Variants in ERC2 observed in about 807,000 individuals in gnomAD.
ERC2 encodes ERC protein 2.
ERC2 carries 42 observed loss-of-function variants against 114.8 expected under a neutral mutation model. The observed-to-expected ratio is 0.37, with a 90% CI of 0.29 to 0.47. The LOEUF (loss-of-function observed/expected upper bound fraction) is 0.47. Among genes scored for constraint, ERC2 ranks in the 20% least tolerant of loss-of-function variants. The probability of loss-of-function intolerance (pLI) is 0.99; values close to 1 mark genes in which losing one functional copy is unlikely to be tolerated. For missense variants in ERC2, 939 were observed against 1,150.7 expected (o/e 0.82, Z 2.66); for synonymous variants, 454 against 425.5 (o/e 1.07, Z -0.82).
chr3:55,754,094 ATTAC>A (rs2066895843), intron 14 of ERC2, among the ~76,000 whole-genome samples: 1 of 152,218 alleles, frequency 6.6e-6, no homozygotes, highest in Non-Finnish European at 1.5e-5. Flanking sequence ...ATTTTTTACC[ATTAC>A]TATGAGTGTG....
intron 7 of ERC2, among the ~76,000 whole-genome samples, chr3:56,065,600 T>C (rs904520442): frequency 6.6e-6 from 1 of 152,114 alleles, no homozygotes; most frequent in Non-Finnish European, 1.5e-5. Context: ...TAGGTTAATG[T>C]GTGCCACGGT....
At chr3:56,270,938 C>T (rs192654819) in intron 3 of ERC2, among the ~76,000 whole-genome samples, 6 of 152,208 alleles carry the variant, frequency 3.9e-5, no homozygotes, top group Non-Finnish European at 8.8e-5. Flanking sequence ...GCCGAGATTT[C>T]GCCACTGCAC....
chr3:56,363,468 G>T (rs2059034092), intron 2 of ERC2, among the ~76,000 whole-genome samples: 1 of 152,158 alleles, frequency 6.6e-6, no homozygotes, highest in Non-Finnish European at 1.5e-5. Flanking sequence ...TACAAACAAG[G>T]TGTACATGAC....
intron 13 of ERC2, among the ~76,000 whole-genome samples, chr3:55,905,694 C>T (rs977959986): frequency 6.6e-6 from 1 of 152,178 alleles, no homozygotes; most frequent in Non-Finnish European, 1.5e-5. Flanking sequence ...CTGCAGCTGA[C>T]AAGGGCCCTG....
At chr3:55,824,279 T>C (rs1251456341) in intron 14 of ERC2, among the ~76,000 whole-genome samples, 1 of 152,192 alleles carries the variant, frequency 6.6e-6, no homozygotes, top group African/African-American at 2.4e-5. Context: ...TCTCCATTTC[T>C]ACCATCTGGA....
intron 3 of ERC2, among the ~76,000 whole-genome samples, chr3:56,275,078 T>TTTAA (rs2053906914): frequency 6.6e-6 from 1 of 152,108 alleles, no homozygotes; most frequent in South Asian, 2.1e-4. Context: ...ATGAGACCAG[T>TTTAA]AAGAGTTCAC....
In ERC2 at chr3:56,456,010, A is replaced by G. The variant is rs1035158195; in HGVS notation, c.-141+12238T>C. 2.0e-5 allele frequency among the ~76,000 whole-genome samples: 3 copies of G among 152,192 alleles called. No homozygotes were observed. In the East Asian group the frequency reaches 5.8e-4, roughly 29 times the overall value. ...CCACCACTCCCTCCTGACCTAGGGA[A>G]TTAGAGGGCTGTGGGGTCAATTGTA... On this transcript the variant is annotated intron_variant, in intron 1 of 17. Coordinates refer to ENST00000288221, the MANE Select transcript of ERC2 (RefSeq NM_015576.3).
intron 2 of ERC2, among the ~76,000 whole-genome samples, chr3:56,325,318 C>A (rs1432549732): frequency 1.3e-5 from 2 of 151,928 alleles, no homozygotes; most frequent in Admixed American, 1.3e-4. Context: ...TGGTGGTGGG[C>A]ACCTGCAGTC....
intron 17 of ERC2, among the ~76,000 whole-genome samples, chr3:55,561,280 G>GT (rs1212238616): frequency 6.6e-6 from 1 of 152,066 alleles, no homozygotes; most frequent in Non-Finnish European, 1.5e-5. Context: ...TACTTCCCTG[G>GT]TTTTTCATTT....
chr3:55,750,163 CTT>C (rs2066595791), intron 14 of ERC2, among the ~76,000 whole-genome samples: 1 of 147,800 alleles, frequency 6.8e-6, no homozygotes, highest in Non-Finnish European at 1.5e-5. Flanking sequence ...AAGAAAAAGA[CTT>C]AAATTATATA....
intron 14 of ERC2, among the ~76,000 whole-genome samples, chr3:55,884,611 C>T (rs192138266): frequency 1.3e-5 from 2 of 152,128 alleles, no homozygotes; most frequent in East Asian, 3.9e-4. Context: ...AATGAGCTAC[C>T]TGTAAGAGCC....
chr3:55,887,464 T>A (rs2063401328), intron 14 of ERC2, among the ~76,000 whole-genome samples: 1 of 152,170 alleles, frequency 6.6e-6, no homozygotes, highest in Non-Finnish European at 1.5e-5. Flanking sequence ...TTTCAAAGTC[T>A]GTGTTATAGG....
At chr3:55,625,689 T>C (rs554191658) in intron 17 of ERC2, among the ~76,000 whole-genome samples, 107 of 152,118 alleles carry the variant, frequency 7.0e-4, no homozygotes, top group Non-Finnish European at 1.1e-3. Context: ...AGGCGGAGTT[T>C]GCAGTGAGCC....
chr3:55,613,891 G>A (rs1049966653), intron 17 of ERC2, among the ~76,000 whole-genome samples: 21 of 147,806 alleles, frequency 1.4e-4, no homozygotes, highest in East Asian at 4.1e-4. Context: ...CTGAGGCAAG[G>A]AGAATTGCTT....
Position 56,446,940 on chromosome 3 carries a change from CAAG to C in ERC2, c.-140-11796_-140-11794del, listed in dbSNP as rs576109449. Among the ~76,000 whole-genome samples, 308 of 152,144 alleles carry C rather than the reference CAAG, an allele frequency of 2.0e-3. 3 individuals are homozygous for C. Among genetic ancestry groups the C allele is most frequent in the Non-Finnish European group, 3.5e-3 (240 of 67,990 alleles). On this transcript the variant is annotated intron_variant, in intron 1 of 17. Transcript: ENST00000288221. ...CCACACCCGGCCGAGAGTGCATTTT[CAAG>C]AAGGTTTCTGCTGCAAGCAACTGGA...
At chr3:56,023,088 A>G (rs2073826488) in intron 7 of ERC2, among the ~76,000 whole-genome samples, 1 of 152,192 alleles carries the variant, frequency 6.6e-6, no homozygotes, top group Admixed American at 6.5e-5. Flanking sequence ...AGATGGGCCA[A>G]TGTTCAGCAG....
Position 55,683,057 on chromosome 3 carries a change from C to A in ERC2, c.*39+737G>T, listed in dbSNP as rs981138451. ...GGGTGGATTCTCAATAGCTAAAGAT[C>A]AGCTTTTAAAATACAAAACCCTCTG... On this transcript the variant is annotated intron_variant, in intron 17 of 17. Coordinates refer to ENST00000288221, the MANE Select transcript of ERC2 (RefSeq NM_015576.3). Among the ~76,000 whole-genome samples, 21 of 152,174 alleles carry A rather than the reference C, an allele frequency of 1.4e-4. 1 individual carries two copies. The highest frequency in any genetic ancestry group is 9.8e-4 in the Admixed American group (15 of 15,276).
At chr3:55,516,740 C>G (rs9858777) in intron 17 of ERC2, among the ~76,000 whole-genome samples, 49,968 of 152,070 alleles carry the variant, frequency 0.33, 9,499 homozygotes, top group African/African-American at 0.52. Context: ...AAAATGGCAG[C>G]ACAGACTGCT....
chr3:56,304,695 G>C (rs2056106568), intron 2 of ERC2, among the ~76,000 whole-genome samples: 1 of 152,184 alleles, frequency 6.6e-6, no homozygotes, highest in South Asian at 2.1e-4. Context: ...ATAGGAATTA[G>C]AGGATACTTC....
Sources: gnomAD v4.1 joint callset for allele counts (sites outside exome capture counted in the v4.1 genomes callset) on GRCh38, gnomAD v4.1.1 for gene constraint, MANE v1.5 for transcripts, NCBI Gene and HGNC (gene_info 2026-07-23, HGNC 2026-07-21) for gene names.